ZNF423: variants seen among roughly 807,000 people sequenced by gnomAD.
The protein encoded by ZNF423 is Ebf-associated zinc finger protein.
A neutral mutation model predicts 95.8 loss-of-function variants in ZNF423; 12 were observed. The observed-to-expected ratio is 0.13, with a 90% CI of 0.08 to 0.20. ZNF423 has a LOEUF of 0.20. ZNF423 is among the 10% of genes least tolerant of loss of function. The probability of loss-of-function intolerance (pLI) is 1.00; values close to 1 mark genes in which losing one functional copy is unlikely to be tolerated. For missense variants in ZNF423, 1,316 were observed against 1,737.1 expected, an observed-to-expected ratio of 0.76 and a Z score of 4.31; for synonymous variants, 749 against 711.9, an observed-to-expected ratio of 1.05 and a Z score of -0.83.
chr16:49,797,750 C>T (rs150439335), intron 1 of ZNF423, among the ~76,000 whole-genome samples: 249 of 152,358 alleles, frequency 1.6e-3, no homozygotes, highest in African/African-American at 5.9e-3. Flanking sequence ...GAAAAGAGAA[C>T]AAGCTGTTTC....
intron 1 of ZNF423, chr16:49,822,813 A>G (rs2034961361): frequency 3.4e-6 from 4 of 1,189,898 alleles, no homozygotes; most frequent in Middle Eastern, 2.2e-4. Flanking sequence ...TAACACTTGT[A>G]TACCCATTTG....
intron 3 of ZNF423, among the ~76,000 whole-genome samples, chr16:49,716,203 G>C (rs1349226979): frequency 6.6e-6 from 1 of 152,170 alleles, no homozygotes; most frequent in Non-Finnish European, 1.5e-5. Flanking sequence ...TCTCCCTGCT[G>C]CCTGCCCCTC....
intron 7 of ZNF423, among the ~76,000 whole-genome samples, chr16:49,510,345 C>A (rs1016445192): frequency 2.0e-5 from 3 of 152,164 alleles, no homozygotes; most frequent in African/African-American, 2.4e-5. Context: ...CTGAGGCCCC[C>A]AAACCTCATT....
chr16:49,759,165 C>CAAGACGG (rs997314921), intron 2 of ZNF423, among the ~76,000 whole-genome samples: 3 of 152,066 alleles, frequency 2.0e-5, no homozygotes, highest in African/African-American at 7.2e-5. Flanking sequence ...CTTGGGAGGC[C>CAAGACGG]AAGACGGGCA....
chr16:49,564,208 C>T (rs72793525), intron 5 of ZNF423, among the ~76,000 whole-genome samples: 16,674 of 152,178 alleles, frequency 0.11, 1,192 homozygotes, highest in East Asian at 0.27. Flanking sequence ...ATATATTGTA[C>T]TATTTATAAT....
chr16:49,555,001 A>C (rs1203567096), intron 5 of ZNF423, among the ~76,000 whole-genome samples: 1 of 152,156 alleles, frequency 6.6e-6, no homozygotes, highest in East Asian at 1.9e-4. Context: ...AGCTTGGTCA[A>C]GATGGAAACT....
At position 49,487,535 on chromosome 16, in the gene ZNF423, G is replaced by A. The variant is rs1021405316; in HGVS notation, c.*3740C>T. ...GAGAACCAGCAGTCTTTCCTGTACA[G>A]TACAATTTCACTTTATTCATCGTTG... On this transcript the variant is annotated 3_prime_UTR_variant, in exon 8 of 8. Transcript: ENST00000563137. 6.6e-6 allele frequency: 1 copy of A among 152,124 alleles called. No individual in the cohort carries two copies. The highest frequency in any genetic ancestry group is 1.5e-5 in the Non-Finnish European group (1 of 68,028). 9.4% of individuals were successfully genotyped at this position (152,124 alleles called of 1,614,324 possible).
At chr16:49,731,736 G>A (rs903609660) in intron 2 of ZNF423, among the ~76,000 whole-genome samples, 1 of 152,116 alleles carries the variant, frequency 6.6e-6, no homozygotes, top group Non-Finnish European at 1.5e-5. Context: ...CTAGAGACCA[G>A]GAGTTCGAGG....
Position 49,637,991 on chromosome 16 carries a change from G to C in ZNF423, c.1185C>G (p.Thr395=). The change falls in exon 4 of 8, where the codon ACC becomes ACG. Residue 395 remains threonine (T), a synonymous_variant. Transcript: ENST00000563137. The surrounding 1 kb of genome is among the most constrained non-coding windows in gnomAD (Gnocchi z 5.6). The part of the protein sequence containing the change: ...SVERGSTPDS[T]LKPLRGQKKM... ...TCTTCTGCCCCCGCAGCGGCTTCAA[G>C]GTGGAGTCCGGGGTGGAGCCACGCT... is the stretch of plus-strand genomic sequence containing the variant. 3.7e-6 allele frequency: 6 copies of C among 1,614,122 alleles called. No individual in the cohort carries two copies. The highest frequency in any genetic ancestry group is 5.1e-6 in the Non-Finnish European group (6 of 1,180,042).
intron 5 of ZNF423, among the ~76,000 whole-genome samples, chr16:49,620,845 G>C (rs7193923): frequency 0.018 from 2,758 of 152,296 alleles, 74 homozygotes; most frequent in African/African-American, 0.063. Flanking sequence ...GGCTTCCTGG[G>C]GGTCTCCAGA....
intron 1 of ZNF423, among the ~76,000 whole-genome samples, chr16:49,821,030 G>A (rs138271553): frequency 3.9e-5 from 6 of 152,242 alleles, no homozygotes; most frequent in South Asian, 2.1e-4. Context: ...TGTTCGCCTC[G>A]GAAGCTAGAC....
chr16:49,628,664 G>A (rs1972394694), intron 4 of ZNF423, among the ~76,000 whole-genome samples: 1 of 152,138 alleles, frequency 6.6e-6, no homozygotes, highest in African/African-American at 2.4e-5. Context: ...TGCCAACTCT[G>A]GTGTTCAAGG....
intron 1 of ZNF423, among the ~76,000 whole-genome samples, chr16:49,804,891 C>CTTTTTTTTTTTTTT (rs754687457): frequency 2.1e-5 from 2 of 95,906 alleles, no homozygotes; most frequent in African/African-American, 8.2e-5. Flanking sequence ...GATCCCACAG[C>CTTTTTTTTTTTTTT]TTTTTTTTTT....
chr16:49,607,601 G>A (rs1319341574), intron 5 of ZNF423, among the ~76,000 whole-genome samples: 2 of 152,122 alleles, frequency 1.3e-5, no homozygotes, highest in Non-Finnish European at 2.9e-5. Flanking sequence ...TGGATAATGG[G>A]GTTGTTTTAG....
intron 5 of ZNF423, among the ~76,000 whole-genome samples, chr16:49,550,268 G>A (rs1299546942): frequency 1.3e-5 from 2 of 152,204 alleles, no homozygotes; most frequent in Non-Finnish European, 2.9e-5. Context: ...ATGGAACCAC[G>A]TGAGAGCTTA....
chr16:49,851,187 C>T (rs573325979), intron 1 of ZNF423, among the ~76,000 whole-genome samples: 81 of 152,280 alleles, frequency 5.3e-4, no homozygotes, highest in Non-Finnish European at 6.5e-4. Context: ...GAACAGGTGC[C>T]GTTCACTTCA....
intron 1 of ZNF423, among the ~76,000 whole-genome samples, chr16:49,834,322 C>T (rs2035093528): frequency 9.7e-6 from 1 of 103,022 alleles, no homozygotes; most frequent in Admixed American, 9.2e-5. Flanking sequence ...AGACCCTAAA[C>T]GTAGTCAGCA....
At chr16:49,510,649 C>T (rs1597022880) in intron 7 of ZNF423, among the ~76,000 whole-genome samples, 1 of 152,216 alleles carries the variant, frequency 6.6e-6, no homozygotes, top group Non-Finnish European at 1.5e-5. Context: ...GGGGTCTTCC[C>T]CTCAGGCCCC....
At chr16:49,598,455 C>T (rs1319104947) in intron 5 of ZNF423, among the ~76,000 whole-genome samples, 1 of 152,252 alleles carries the variant, frequency 6.6e-6, no homozygotes, top group Non-Finnish European at 1.5e-5. Flanking sequence ...GAGCATCATT[C>T]CTGGGGGCAG....
Sources: gnomAD v4.1 joint callset for allele counts (sites outside exome capture counted in the v4.1 genomes callset) on GRCh38, gnomAD v4.1.1 for gene constraint, Gnocchi (gnomAD v3.1) non-coding constraint, MANE v1.5 for transcripts, NCBI Gene and HGNC (gene_info 2026-07-23, HGNC 2026-07-21) for gene names.